Variants in TRIM33 observed in about 807,000 individuals in gnomAD.
TRIM33 encodes tripartite motif containing 33, also known as E3 ubiquitin-protein ligase TRIM33.
In TRIM33, 20 loss-of-function variants were observed where a neutral mutation model predicts 125.4. The observed-to-expected ratio is 0.16, with a 90% CI of 0.11 to 0.23. TRIM33 has a LOEUF of 0.23. Among genes scored for constraint, TRIM33 ranks in the 10% least tolerant of loss-of-function variants. The pLI, the probability that TRIM33 is intolerant of heterozygous loss-of-function variation, is 1.00. For missense variants in TRIM33, 920 were observed against 1,411.4 expected (o/e 0.65, Z 5.58); for synonymous variants, 564 against 513.9 (o/e 1.10, Z -1.32).
At chr1:114,421,236 G>A (rs1011837165) in intron 11 of TRIM33, among the ~76,000 whole-genome samples, 200 bp downstream of exon 11, 2 of 152,080 alleles carry the variant, frequency 1.3e-5, no homozygotes, top group Non-Finnish European at 2.9e-5. Context: ...GGAGAGGGTA[G>A]GCGGGGAATG....
At chr1:114,435,784 T>C (rs901983129) in intron 4 of TRIM33, among the ~76,000 whole-genome samples, 1 of 150,684 alleles carries the variant, frequency 6.6e-6, no homozygotes, top group Non-Finnish European at 1.5e-5. Flanking sequence ...TGGAATGCAC[T>C]GGAACCATCA....
chr1:114,424,973 G>T (rs1293533477), intron 9 of TRIM33, among the ~76,000 whole-genome samples: 2 of 151,598 alleles, frequency 1.3e-5, no homozygotes. Flanking sequence ...TCTCTTACCT[G>T]TTCCCCCTCT....
At chr1:114,431,459 A>G (rs1647945970) in intron 5 of TRIM33, among the ~76,000 whole-genome samples, 1 of 152,210 alleles carries the variant, frequency 6.6e-6, no homozygotes, top group Non-Finnish European at 1.5e-5. Context: ...AACATTTTCA[A>G]TCCATTTTTA....
intron 11 of TRIM33, 91 bp downstream of exon 11, chr1:114,421,345 C>T: frequency 1.6e-6 from 2 of 1,229,584 alleles, no homozygotes; most frequent in South Asian, 2.8e-5. Context: ...AATGTTGATC[C>T]TGAATTAAAA....
At chr1:114,455,295 GCTT>G (rs1180506367) in intron 4 of TRIM33, among the ~76,000 whole-genome samples, 3 of 152,196 alleles carry the variant, frequency 2.0e-5, no homozygotes, top group African/African-American at 7.2e-5. Context: ...CAGCTGATAA[GCTT>G]CTTATGCAAG....
intron 7 of TRIM33, 146 bp from the exon 8 acceptor site, chr1:114,427,440 A>T: frequency 1.7e-6 from 1 of 580,120 alleles, no homozygotes; most frequent in East Asian, 2.8e-5. Flanking sequence ...TTAGCAATCA[A>T]ATCAAATATA....
At chr1:114,437,199 G>C (rs1234152350) in intron 4 of TRIM33, among the ~76,000 whole-genome samples, 1 of 152,066 alleles carries the variant, frequency 6.6e-6, no homozygotes, top group Non-Finnish European at 1.5e-5. Context: ...GATATACCTA[G>C]GTAAACTGAA....
intron 1 of TRIM33, among the ~76,000 whole-genome samples, chr1:114,504,469 G>A (rs1652885266): frequency 6.6e-6 from 1 of 152,172 alleles, no homozygotes; most frequent in Non-Finnish European, 1.5e-5. Flanking sequence ...AGAGGTGATG[G>A]CAGTTTTATC....
intron 1 of TRIM33, among the ~76,000 whole-genome samples, chr1:114,469,936 A>C (rs1387442295): frequency 6.6e-6 from 1 of 152,248 alleles, no homozygotes; most frequent in Non-Finnish European, 1.5e-5. Flanking sequence ...CTATAAAATA[A>C]TATCATAGAG....
At chr1:114,483,303 T>C (rs951416036) in intron 1 of TRIM33, among the ~76,000 whole-genome samples, 1 of 151,602 alleles carries the variant, frequency 6.6e-6, no homozygotes, top group African/African-American at 2.4e-5. Context: ...CAAGACCCTG[T>C]CTTGAAAAAA....
At chr1:114,489,355 A>C (rs1255163572) in intron 1 of TRIM33, among the ~76,000 whole-genome samples, 1 of 152,116 alleles carries the variant, frequency 6.6e-6, no homozygotes, top group African/African-American at 2.4e-5. Context: ...AGAAAACATA[A>C]GAATACATCT....
In TRIM33 at chr1:114,395,818, A is replaced by T. The variant is rs764750950; in HGVS notation, c.*1830T>A. The T allele has an allele frequency of 3.1e-5, 6 of 191,454 alleles. No individual in the cohort carries two copies. The highest frequency in any genetic ancestry group is 5.5e-5 in the Non-Finnish European group (5 of 91,518). 11.9% of individuals were successfully genotyped at this position (191,454 alleles called of 1,614,324 possible). A position where few individuals can be genotyped will look rare whatever the true frequency, so the allele number is the denominator to read the frequency against. On this transcript the variant is annotated 3_prime_UTR_variant, in exon 20 of 20. Coordinates refer to ENST00000358465, the MANE Select transcript of TRIM33 (RefSeq NM_015906.4). ...ATAAAGTAAATCAATAGTAATAATA[A>T]AATCAATACTCTTTAAATACACAAC...
At chr1:114,496,978 C>T (rs1359282925) in intron 1 of TRIM33, among the ~76,000 whole-genome samples, 1 of 152,206 alleles carries the variant, frequency 6.6e-6, no homozygotes, top group African/African-American at 2.4e-5. Flanking sequence ...AAACACCATG[C>T]TTTGCCATCT....
intron 1 of TRIM33, among the ~76,000 whole-genome samples, chr1:114,496,136 T>C (rs1481104428): frequency 6.6e-6 from 1 of 152,224 alleles, no homozygotes; most frequent in African/African-American, 2.4e-5. Flanking sequence ...CTCAATACCT[T>C]ACCCTCATAT....
At chr1:114,490,452 C>CTAACA (rs1267864075) in intron 1 of TRIM33, among the ~76,000 whole-genome samples, 1 of 152,090 alleles carries the variant, frequency 6.6e-6, no homozygotes, top group Non-Finnish European at 1.5e-5. Flanking sequence ...AAGAAAAATG[C>CTAACA]TAAAGCCACT....
chr1:114,406,748 C>G (rs1284873324), intron 14 of TRIM33, among the ~76,000 whole-genome samples, 193 bp downstream of exon 14: 1 of 152,188 alleles, frequency 6.6e-6, no homozygotes, highest in Non-Finnish European at 1.5e-5. Context: ...ACAATTAAGT[C>G]TTTTCTGATT....
At chr1:114,500,347 T>C (rs1290955921) in intron 1 of TRIM33, among the ~76,000 whole-genome samples, 7 of 152,078 alleles carry the variant, frequency 4.6e-5, no homozygotes. Context: ...TTTAAAGAGA[T>C]GGCGGCGTCT....
chr1:114,464,376 C>T lies in TRIM33; in HGVS notation c.539G>A (p.Arg180Gln), dbSNP rs867498208. The change falls in exon 2 of 20, where the codon CGG becomes CAG. Residue 180 changes from arginine (R) to glutamine (Q), a missense_variant. This residue lies in a region of TRIM33 where 75 missense variants were observed against 123.9 expected (regional missense o/e 0.61). Transcript: ENST00000358465. ...NGDIQQVGVIRCPVCRQECRQ... is the reference protein window; with the variant it reads ...NGDIQQVGVIQCPVCRQECRQ... ...GCATTCTTGGCGGCATACTGGGCAC[C>T]GTATTACACCAACTACAACATAAAA... 4.5e-6 allele frequency: 7 copies of T among 1,567,304 alleles called. No homozygotes were observed. Among genetic ancestry groups the T allele is most frequent in the Non-Finnish European group, 5.2e-6 (6 of 1,154,560 alleles).
chr1:114,501,058 C>T lies in TRIM33; in HGVS notation c.526+9493G>A, dbSNP rs562999265. 2.2e-4 allele frequency among the ~76,000 whole-genome samples: 25 copies of T among 114,844 alleles called. No homozygotes were observed. The East Asian group carries it at 4.8e-3, about 22-fold the overall frequency. 75.3% of individuals were successfully genotyped at this position (114,844 alleles called of 152,430 possible). A position where few individuals can be genotyped will look rare whatever the true frequency, so the allele number is the denominator to read the frequency against. ...ACAAAAAATTAGCCGGGCGTAGTGG[C>T]GGGCGCCTGTAGTCCCAGCTACTTG... On this transcript the variant is annotated intron_variant, in intron 1 of 19. Transcript: ENST00000358465.
Sources: allele counts gnomAD v4.1 joint callset (sites outside exome capture counted in the v4.1 genomes callset), GRCh38; gene constraint gnomAD v4.1.1; regional missense constraint gnomAD v4.1.1; transcripts MANE v1.5; gene names NCBI Gene and HGNC (gene_info 2026-07-23, HGNC 2026-07-21).